Variants in AFG2A observed in about 807,000 individuals in gnomAD.
AFG2A encodes ATPase family gene 2 protein homolog A.
chr4:123,186,417 A>G, the AFG2A span, among the ~76,000 whole-genome samples: 1 of 152,180 alleles, frequency 6.6e-6, no homozygotes, highest in Non-Finnish European at 1.5e-5. Context: ...GCAATTTGAC[A>G]TCATTGTTTT....
chr4:122,939,093 T>C, the AFG2A span, among the ~76,000 whole-genome samples: 6 of 136,350 alleles, frequency 4.4e-5, 2 homozygotes. Flanking sequence ...TTTTTTTTTT[T>C]TTTTTTTTGG....
the AFG2A span, among the ~76,000 whole-genome samples, chr4:123,178,260 C>T: frequency 6.6e-6 from 1 of 152,316 alleles, no homozygotes; most frequent in South Asian, 2.1e-4. Flanking sequence ...TTACCCGTCT[C>T]CTTCTCTGCC....
chr4:123,178,887 T>A, the AFG2A span, among the ~76,000 whole-genome samples: 1 of 152,200 alleles, frequency 6.6e-6, no homozygotes, highest in African/African-American at 2.4e-5. Flanking sequence ...TGTGCTTCCA[T>A]CAGTCCCTGC....
At chr4:123,313,777 G>T in the AFG2A span, 2 of 971,242 alleles carry the variant, frequency 2.1e-6, no homozygotes, top group Non-Finnish European at 2.9e-6. Context: ...TTTTAGCAAT[G>T]GGCATTTAGT....
the AFG2A span, among the ~76,000 whole-genome samples, chr4:123,254,037 A>T: frequency 6.6e-6 from 1 of 152,322 alleles, no homozygotes; most frequent in Non-Finnish European, 1.5e-5. Context: ...TCAAATTTTT[A>T]GTCCAGTTAC....
chr4:123,068,288 T>A, the AFG2A span, among the ~76,000 whole-genome samples: 1 of 152,162 alleles, frequency 6.6e-6, no homozygotes, highest in African/African-American at 2.4e-5. Context: ...CATAAAACAT[T>A]TTCACTATGC....
At chr4:123,311,916 G>T in the AFG2A span, among the ~76,000 whole-genome samples, 1 of 152,176 alleles carries the variant, frequency 6.6e-6, no homozygotes, top group Non-Finnish European at 1.5e-5. Context: ...CCCTTCCTCG[G>T]ATGTGCCAGC....
At chr4:123,091,007 A>G in the AFG2A span, among the ~76,000 whole-genome samples, 1 of 152,218 alleles carries the variant, frequency 6.6e-6, no homozygotes, top group African/African-American at 2.4e-5. Flanking sequence ...CCCTGGGTGA[A>G]TGGAATCTTG....
At chr4:122,990,189 C>T in the AFG2A span, among the ~76,000 whole-genome samples, 2 of 152,278 alleles carry the variant, frequency 1.3e-5, no homozygotes, top group East Asian at 1.9e-4. Flanking sequence ...TTGTTCTCCA[C>T]CCAGGTACTC....
At chr4:123,127,633 C>G in the AFG2A span, among the ~76,000 whole-genome samples, 1 of 151,878 alleles carries the variant, frequency 6.6e-6, no homozygotes, top group Admixed American at 6.6e-5. Context: ...GATGGATGGC[C>G]ACTTTACATA....
the AFG2A span, among the ~76,000 whole-genome samples, chr4:123,228,474 C>T: frequency 6.6e-6 from 1 of 151,684 alleles, no homozygotes; most frequent in South Asian, 2.1e-4. Context: ...ATTCTTATTC[C>T]CTATAGAAGC....
the AFG2A span, chr4:123,090,510 T>G: frequency 3.9e-6 from 6 of 1,557,392 alleles, no homozygotes; most frequent in African/African-American, 8.3e-5. Context: ...ATAGAACCTT[T>G]AAAAATTAAT....
chr4:123,312,589 G>T, the AFG2A span, among the ~76,000 whole-genome samples: 1 of 152,144 alleles, frequency 6.6e-6, no homozygotes, highest in African/African-American at 2.4e-5. Context: ...TCACATTCTT[G>T]TTTTCAAAAG....
At chr4:123,064,259 A>G in the AFG2A span, among the ~76,000 whole-genome samples, 1 of 152,324 alleles carries the variant, frequency 6.6e-6, no homozygotes, top group African/African-American at 2.4e-5. Flanking sequence ...AATGCTGTTA[A>G]GGGTAACATA....
chr4:123,319,390 T>C, the AFG2A span: 1 of 152,198 alleles, frequency 6.6e-6, no homozygotes, highest in Non-Finnish European at 1.5e-5. Context: ...CACCAAAGCA[T>C]CCTTTGATAT....
chr4:123,297,551 C>G, the AFG2A span, among the ~76,000 whole-genome samples: 1 of 151,902 alleles, frequency 6.6e-6, no homozygotes, highest in Admixed American at 6.6e-5. Context: ...AAGCCTATCT[C>G]TACTAAAAAT....
At chr4:122,933,559 G>C in the AFG2A span, 4 of 1,348,242 alleles carry the variant, frequency 3.0e-6, no homozygotes, top group East Asian at 2.3e-5. Context: ...AGCAAATAAA[G>C]TGTCTTTGAG....
chr4:123,209,608 T>TTTGG, the AFG2A span, among the ~76,000 whole-genome samples: 1 of 149,112 alleles, frequency 6.7e-6, no homozygotes, highest in African/African-American at 2.5e-5. Context: ...TTTTTTTTTT[T>TTTGG]GAGATAGGTT....
the AFG2A span, among the ~76,000 whole-genome samples, chr4:122,997,980 C>A: frequency 6.6e-6 from 1 of 152,082 alleles, no homozygotes; most frequent in Non-Finnish European, 1.5e-5. Flanking sequence ...CTTTCCCATT[C>A]TTAATTCGGT....
Sources: allele counts gnomAD v4.1 joint callset (sites outside exome capture counted in the v4.1 genomes callset), GRCh38; gene constraint gnomAD v4.1.1; transcripts MANE v1.5; gene names NCBI Gene and HGNC (gene_info 2026-07-23, HGNC 2026-07-21).